Variants in SPOCK3 observed in about 807,000 individuals in gnomAD.
SPOCK3 encodes SPARC (osteonectin), cwcv and kazal like domains proteoglycan 3, also known as testican-3.
A neutral mutation model predicts 56.6 loss-of-function variants in SPOCK3; 30 were observed. The ratio of observed to expected loss-of-function variants is 0.53; its 90% CI spans 0.40 to 0.72. SPOCK3 has a LOEUF of 0.72. Among genes scored for constraint, SPOCK3 ranks in the 30% least tolerant of loss-of-function variants. SPOCK3 has a pLI of 0.00. For synonymous variants in SPOCK3, 196 were observed against 183.3 expected, an observed-to-expected ratio of 1.07 and a Z score of -0.56; for missense variants, 527 against 530.0, an observed-to-expected ratio of 0.99 and a Z score of 0.06.
chr4:167,009,488 T>G (rs1749804932), intron 3 of SPOCK3, among the ~76,000 whole-genome samples: 1 of 152,128 alleles, frequency 6.6e-6, no homozygotes, highest in Non-Finnish European at 1.5e-5. Flanking sequence ...ACTTTCACGG[T>G]GTAAAAAAAT....
At chr4:167,160,562 A>C (rs1488014628) in intron 2 of SPOCK3, among the ~76,000 whole-genome samples, 1 of 149,388 alleles carries the variant, frequency 6.7e-6, no homozygotes, top group Non-Finnish European at 1.5e-5. Flanking sequence ...ATATGGAACC[A>C]AAAAAGAGCC....
chr4:166,803,781 A>G (rs1466459037), intron 6 of SPOCK3, among the ~76,000 whole-genome samples: 1 of 152,134 alleles, frequency 6.6e-6, no homozygotes, highest in African/African-American at 2.4e-5. Context: ...TGCTATTAAA[A>G]TTTTATGCCT....
At chr4:166,856,571 C>T (rs1050339865) in intron 6 of SPOCK3, among the ~76,000 whole-genome samples, 43 of 152,042 alleles carry the variant, frequency 2.8e-4, no homozygotes, top group African/African-American at 9.4e-4. Context: ...GTCAGGAGAT[C>T]AAGACAATCC....
intron 7 of SPOCK3, 125 bp from the exon 8 acceptor site, chr4:166,754,854 T>C: frequency 1.3e-6 from 1 of 780,030 alleles, no homozygotes; most frequent in Non-Finnish European, 2.0e-6. Flanking sequence ...AAGTAGAGCA[T>C]TAAATTCATC....
chr4:167,016,160 GA>G (rs1419561989), intron 3 of SPOCK3, among the ~76,000 whole-genome samples: 1 of 152,062 alleles, frequency 6.6e-6, no homozygotes, highest in Non-Finnish European at 1.5e-5. Flanking sequence ...TTGATGATAT[GA>G]AAAATAATGC....
At chr4:166,967,638 T>C (rs1465321366) in intron 4 of SPOCK3, among the ~76,000 whole-genome samples, 1 of 152,194 alleles carries the variant, frequency 6.6e-6, no homozygotes, top group Non-Finnish European at 1.5e-5. Context: ...GTATAGTCCA[T>C]GTAACTGTAA....
chr4:167,050,010 C>G (rs1359587031), intron 3 of SPOCK3, among the ~76,000 whole-genome samples: 1 of 152,142 alleles, frequency 6.6e-6, no homozygotes, highest in Non-Finnish European at 1.5e-5. Context: ...CACTTACTAG[C>G]TTTGTATCTA....
chr4:167,206,402 C>A (rs1039653939), intron 2 of SPOCK3, among the ~76,000 whole-genome samples: 1 of 146,790 alleles, frequency 6.8e-6, no homozygotes, highest in African/African-American at 2.6e-5. Context: ...GAGAAAATAA[C>A]ATATATGTGT....
At chr4:166,771,981 A>G (rs1382681218) in intron 7 of SPOCK3, among the ~76,000 whole-genome samples, 1 of 152,046 alleles carries the variant, frequency 6.6e-6, no homozygotes, top group African/African-American at 2.4e-5. Context: ...TAAAATTGCA[A>G]TGAAGAATAT....
intron 4 of SPOCK3, among the ~76,000 whole-genome samples, chr4:166,967,378 C>T (rs1441258168): frequency 6.6e-6 from 1 of 152,120 alleles, no homozygotes; most frequent in Admixed American, 6.5e-5. Flanking sequence ...CTGTGTCCAC[C>T]AACCCATATC....
At chr4:166,993,440 T>C (rs1463171081) in intron 4 of SPOCK3, among the ~76,000 whole-genome samples, 1 of 152,096 alleles carries the variant, frequency 6.6e-6, no homozygotes, top group Non-Finnish European at 1.5e-5. Context: ...AGCAAATTTT[T>C]TGAAATTTTA....
chr4:166,862,716 T>A (rs1731370765), intron 6 of SPOCK3, among the ~76,000 whole-genome samples: 1 of 152,080 alleles, frequency 6.6e-6, no homozygotes, highest in Non-Finnish European at 1.5e-5. Context: ...ATAAGTCAAG[T>A]AAAAATGAAG....
chr4:167,205,749 A>G (rs1309617946), intron 2 of SPOCK3, among the ~76,000 whole-genome samples: 1 of 147,474 alleles, frequency 6.8e-6, no homozygotes, highest in Non-Finnish European at 1.5e-5. Context: ...AGTAGCTGGG[A>G]TTACAGGCGC....
rs912983991 is a variant in SPOCK3, at chr4:166,946,080, C to T, written c.351-33337G>A. ...TATTGGTTAGGACCATGAATAACTA[C>T]GATAACCATAGGCCCTGTTTATCTG... is the stretch of plus-strand genomic sequence containing the variant. On this transcript the variant is annotated intron_variant, in intron 4 of 10. Transcript: ENST00000357545. Among the ~76,000 whole-genome samples the T allele has an allele frequency of 1.6e-4, 24 of 152,118 alleles. 1 individual carries two copies. Among genetic ancestry groups the T allele is most frequent in the Admixed American group, 3.3e-4 (5 of 15,276 alleles).
chr4:166,808,169 CTTTG>C (rs1471056021), intron 6 of SPOCK3, among the ~76,000 whole-genome samples: 4 of 151,900 alleles, frequency 2.6e-5, no homozygotes, highest in Non-Finnish European at 4.4e-5. Flanking sequence ...GCAGCTGCCC[CTTTG>C]TTTTTGTTTC....
At chr4:167,004,445 G>GGA (rs1373507061) in intron 3 of SPOCK3, among the ~76,000 whole-genome samples, 2 of 152,120 alleles carry the variant, frequency 1.3e-5, no homozygotes, top group Non-Finnish European at 2.9e-5. Context: ...CACTGAACAG[G>GGA]GAGATGGAAG....
chr4:166,895,879 C>T (rs1735327940), intron 5 of SPOCK3, among the ~76,000 whole-genome samples: 1 of 152,042 alleles, frequency 6.6e-6, no homozygotes, highest in Non-Finnish European at 1.5e-5. Flanking sequence ...CATAGTGTTT[C>T]CTCTGTGTAA....
At chr4:166,982,442 C>T (rs1161011154) in intron 4 of SPOCK3, among the ~76,000 whole-genome samples, 1 of 152,130 alleles carries the variant, frequency 6.6e-6, no homozygotes, top group Non-Finnish European at 1.5e-5. Context: ...GTCCCAGCTA[C>T]TTGGGAGGCT....
intron 4 of SPOCK3, among the ~76,000 whole-genome samples, chr4:166,976,248 C>G (rs774882829): frequency 5.3e-5 from 8 of 152,156 alleles, no homozygotes; most frequent in Non-Finnish European, 1.2e-4. Context: ...GACTTCTCCT[C>G]TCTAACTTGT....
Sources: gnomAD v4.1 joint callset for allele counts (sites outside exome capture counted in the v4.1 genomes callset) on GRCh38, gnomAD v4.1.1 for gene constraint, MANE v1.5 for transcripts, NCBI Gene and HGNC (gene_info 2026-07-23, HGNC 2026-07-21) for gene names.